The following OOSP4A variants were observed in gnomAD, a reference collection of about 807,000 sequenced individuals.
OOSP4A encodes the protein oocyte-secreted protein 4A.
exon 5 of OOSP4A, chr11:59,970,082 A>G (rs1854139762): frequency 2.5e-6 from 1 of 398,014 alleles, no homozygotes; most frequent in Non-Finnish European, 4.4e-6. Context: ...ACCTCATTGT[A>G]TCCCTTCCTA....
exon 4 of OOSP4A, chr11:59,969,271 A>G: frequency 7.5e-6 from 3 of 398,668 alleles, no homozygotes; most frequent in Non-Finnish European, 1.3e-5. Flanking sequence ...AATCCGTCCA[A>G]GAGTGTCCTA....
At chr11:59,969,464 A>G (rs1854134420) in intron 4 of OOSP4A, among the ~76,000 whole-genome samples, 180 bp downstream of exon 4, 1 of 152,184 alleles carries the variant, frequency 6.6e-6, no homozygotes, top group African/African-American at 2.4e-5. Context: ...TTATCTTGGC[A>G]TTTCTCATTA....
At chr11:59,967,111 A>G (rs1048503301) in exon 3 of OOSP4A, 4 of 398,116 alleles carry the variant, frequency 1.0e-5, no homozygotes, top group Non-Finnish European at 1.8e-5. Flanking sequence ...TTGTATATGA[A>G]CCAACGAATT....
chr11:59,965,695 T>C (rs1393635053), exon 2 of OOSP4A: 1 of 398,380 alleles, frequency 2.5e-6, no homozygotes, highest in African/African-American at 2.1e-5. Context: ...TTCTAACTTT[T>C]TGTGGCATCA....
In OOSP4A at chr11:59,969,142, T is replaced by C; in HGVS notation, c.345-8T>C. 2.5e-6 allele frequency: 1 copy of C among 398,618 alleles called. No homozygotes were observed. The highest frequency in any genetic ancestry group is 3.6e-5 in the East Asian group (1 of 28,056). The allele number at this position is 398,618 out of a possible 1,614,324, so 24.7% of individuals were successfully genotyped here. On this transcript the variant is annotated splice_polypyrimidine_tract_variant and splice_region_variant and intron_variant, in intron 3 of 4. Coordinates refer to ENST00000645590, the Ensembl canonical transcript of OOSP4A. The stretch of plus-strand genomic sequence containing the variant: ...CAAAGCTTAAATATATTTTTTTCTC[T>C]TTTTCAGAAGGTTTCCAATAATCTT...
chr11:59,965,363 A>G (rs957021537), intron 1 of OOSP4A, among the ~76,000 whole-genome samples, 172 bp from the exon 2 acceptor site: 1 of 152,188 alleles, frequency 6.6e-6, no homozygotes. Context: ...ACTGAGACAC[A>G]TAGAGATTAA....
intron 2 of OOSP4A, among the ~76,000 whole-genome samples, chr11:59,966,132 TAA>T (rs376293591): frequency 1.0e-3 from 155 of 152,118 alleles, no homozygotes; most frequent in African/African-American, 3.3e-3. Context: ...CCTGTATTAA[TAA>T]GAGAGAAATC....
rs1205748598 is a variant in OOSP4A, at chr11:59,969,304, G to C, written c.479+20G>C. ...CTATGTGTAAGAGTATTTTGAATTAGTACCATAAATGTTTACAGTACATTT... is the reference window on the plus strand; with the variant it reads ...CTATGTGTAAGAGTATTTTGAATTACTACCATAAATGTTTACAGTACATTT... On this transcript the variant is annotated intron_variant, in intron 4 of 4. Transcript: ENST00000645590. 2.5e-6 allele frequency: 1 copy of C among 398,156 alleles called. No homozygotes were observed. The highest frequency in any genetic ancestry group is 4.4e-6 in the Non-Finnish European group (1 of 225,656). The allele number at this position is 398,156 out of a possible 1,614,324, so 24.7% of individuals were successfully genotyped here.
chr11:59,965,966 A>G (rs567632220), intron 2 of OOSP4A, among the ~76,000 whole-genome samples: 1 of 151,936 alleles, frequency 6.6e-6, no homozygotes, highest in South Asian at 2.1e-4. Flanking sequence ...TTTGCCTGTG[A>G]TAGTGTTTTT....
At chr11:59,966,571 G>A (rs1362996938) in intron 2 of OOSP4A, among the ~76,000 whole-genome samples, 2 of 151,906 alleles carry the variant, frequency 1.3e-5, no homozygotes, top group Admixed American at 6.6e-5. Flanking sequence ...CACCTCCCGT[G>A]TTCAAGCAAT....
chr11:59,969,984 T>C (rs77663926), intron 4 of OOSP4A, 65 bp from the exon 5 acceptor site: 6,397 of 397,004 alleles, frequency 0.016, 60 homozygotes, highest in Middle Eastern at 0.031. Context: ...TGAGCCTCAG[T>C]GGATAGTTAG....
At chr11:59,966,944 T>A (rs987342844) in intron 2 of OOSP4A, 123 bp from the exon 3 acceptor site, 9 of 378,138 alleles carry the variant, frequency 2.4e-5, no homozygotes, top group Non-Finnish European at 3.3e-5. Flanking sequence ...CATACCTATT[T>A]TATTTCATAA....
intron 1 of OOSP4A, among the ~76,000 whole-genome samples, chr11:59,964,525 A>C (rs1004518469): frequency 6.6e-6 from 1 of 152,098 alleles, no homozygotes; most frequent in Admixed American, 6.6e-5. Flanking sequence ...AGCTGTATTC[A>C]ATTGTATATG....
At chr11:59,964,322 GT>G (rs1326732902) in intron 1 of OOSP4A, among the ~76,000 whole-genome samples, 1 of 151,776 alleles carries the variant, frequency 6.6e-6, no homozygotes, top group Non-Finnish European at 1.5e-5. Context: ...AGGTGCTGTT[GT>G]TTTTTATTTT....
intron 1 of OOSP4A, among the ~76,000 whole-genome samples, chr11:59,965,160 G>T (rs1188601700): frequency 9.3e-6 from 1 of 107,916 alleles, no homozygotes. Context: ...GGAGGGGGGA[G>T]GGGGGAGGGA....
chr11:59,969,999 T>C (rs1342397274), intron 4 of OOSP4A, 50 bp from the exon 5 acceptor site: 1 of 397,512 alleles, frequency 2.5e-6, no homozygotes, highest in East Asian at 3.6e-5. Context: ...AGTTAGATGG[T>C]AGTTTCCCAT....
intron 2 of OOSP4A, 110 bp from the exon 3 acceptor site, chr11:59,966,957 T>G: frequency 2.6e-6 from 1 of 385,782 alleles, no homozygotes; most frequent in Non-Finnish European, 4.6e-6. Context: ...TTTCATAAAG[T>G]AAAAATAAAA....
chr11:59,966,078 A>T (rs1823516479), intron 2 of OOSP4A, among the ~76,000 whole-genome samples: 1 of 152,026 alleles, frequency 6.6e-6, no homozygotes, highest in Admixed American at 6.6e-5. Context: ...CTTGTTGTTG[A>T]CCTAAAATTT....
At chr11:59,965,587 G>T in exon 2 of OOSP4A, 1 of 398,482 alleles carries the variant, frequency 2.5e-6, no homozygotes. Flanking sequence ...GACGAACGCC[G>T]CTGTTAAATG....
Sources: allele counts gnomAD v4.1 joint callset (sites outside exome capture counted in the v4.1 genomes callset), GRCh38; gene constraint gnomAD v4.1.1; transcripts MANE v1.5; gene names NCBI Gene and HGNC (gene_info 2026-07-23, HGNC 2026-07-21).